The following KHDRBS2 variants were observed in gnomAD, a reference collection of about 807,000 sequenced individuals.
The protein encoded by KHDRBS2 is KH RNA binding domain containing, signal transduction associated 2, also known as KH domain-containing, RNA-binding, signal transduction-associated protein 2.
In KHDRBS2, 26 loss-of-function variants were observed where a neutral mutation model predicts 44.3. That is an observed-to-expected ratio of 0.59 (90% CI 0.43 to 0.81). The LOEUF (loss-of-function observed/expected upper bound fraction) is 0.81. KHDRBS2 is among the 40% of genes least tolerant of loss of function. KHDRBS2 has a pLI of 0.00. For synonymous variants in KHDRBS2, 194 were observed against 151.1 expected (o/e 1.28, Z -2.08); for missense variants, 476 against 433.1 (o/e 1.10, Z -0.88).
the KHDRBS2 span, among the ~76,000 whole-genome samples, chr6:61,600,600 C>G: frequency 6.6e-6 from 1 of 152,120 alleles, no homozygotes; most frequent in Non-Finnish European, 1.5e-5. Flanking sequence ...TCACACAAAG[C>G]CTGTTTGGTG....
At chr6:61,617,277 A>G in the KHDRBS2 span, among the ~76,000 whole-genome samples, 1 of 152,202 alleles carries the variant, frequency 6.6e-6, no homozygotes, top group Non-Finnish European at 1.5e-5. Context: ...ACTGATTCAT[A>G]AAAAATCCTT....
chr6:62,229,625 G>C (rs369495849), intron 1 of KHDRBS2, among the ~76,000 whole-genome samples: 1 of 152,154 alleles, frequency 6.6e-6, no homozygotes, highest in Non-Finnish European at 1.5e-5. Context: ...CCTGGGCCCC[G>C]GTGGCGTGGG....
At chr6:62,097,894 G>A (rs1800974665) in intron 2 of KHDRBS2, among the ~76,000 whole-genome samples, 1 of 151,832 alleles carries the variant, frequency 6.6e-6, no homozygotes, top group African/African-American at 2.4e-5. Flanking sequence ...TCTGTTATAG[G>A]TTTTTGCTTT....
intron 1 of KHDRBS2, among the ~76,000 whole-genome samples, chr6:62,178,040 G>C (rs558070524): frequency 6.6e-6 from 1 of 151,526 alleles, no homozygotes; most frequent in South Asian, 2.1e-4. Flanking sequence ...AAATGTCTCT[G>C]TTTTTATAGA....
At chr6:62,227,539 G>A (rs1034023829) in intron 1 of KHDRBS2, among the ~76,000 whole-genome samples, 1 of 152,066 alleles carries the variant, frequency 6.6e-6, no homozygotes, top group South Asian at 2.1e-4. Context: ...TAACTGCCCT[G>A]CCCAGAACTT....
intron 4 of KHDRBS2, among the ~76,000 whole-genome samples, chr6:61,957,804 C>G (rs1767744140): frequency 6.6e-6 from 1 of 152,110 alleles, no homozygotes; most frequent in Non-Finnish European, 1.5e-5. Flanking sequence ...GACCAACACC[C>G]TATTCATACA....
At chr6:61,894,959 G>C (rs78240146) in intron 5 of KHDRBS2, 126 bp from the exon 6 acceptor site, 35,794 of 521,860 alleles carry the variant, frequency 0.069, 527 homozygotes, top group Middle Eastern at 0.13. Flanking sequence ...CTCTCTCTCT[G>C]TGTGTGTGTG....
intron 1 of KHDRBS2, among the ~76,000 whole-genome samples, chr6:62,277,011 T>C (rs1325118218): frequency 4.6e-5 from 7 of 152,174 alleles, no homozygotes; most frequent in Admixed American, 1.3e-4. Flanking sequence ...CTTGTGGTAA[T>C]GCATCGTCTA....
intron 7 of KHDRBS2, among the ~76,000 whole-genome samples, chr6:61,714,270 A>G (rs1447376035): frequency 6.6e-6 from 1 of 151,916 alleles, no homozygotes; most frequent in African/African-American, 2.4e-5. Flanking sequence ...TTTTTTCAAA[A>G]GAAGACATAA....
intron 4 of KHDRBS2, among the ~76,000 whole-genome samples, chr6:61,937,136 T>G (rs2036466): frequency 0.39 from 59,597 of 151,592 alleles, 11,892 homozygotes; most frequent in East Asian, 0.47. Flanking sequence ...GGTCATCTTC[T>G]CAGGTCCATC....
chr6:62,071,890 A>G (rs991685585), intron 2 of KHDRBS2, among the ~76,000 whole-genome samples: 3 of 152,302 alleles, frequency 2.0e-5, no homozygotes, highest in African/African-American at 7.2e-5. Context: ...AGTCATTGGT[A>G]GCTTGATGGG....
intron 1 of KHDRBS2, among the ~76,000 whole-genome samples, chr6:62,200,961 C>T (rs1826849300): frequency 1.3e-5 from 2 of 152,134 alleles, no homozygotes; most frequent in African/African-American, 4.8e-5. Flanking sequence ...TGGAAACCAT[C>T]ATTCTCAGCA....
At chr6:61,907,558 C>T (rs1439582118) in intron 4 of KHDRBS2, among the ~76,000 whole-genome samples, 1 of 152,090 alleles carries the variant, frequency 6.6e-6, no homozygotes, top group Non-Finnish European at 1.5e-5. Flanking sequence ...TTTAAGTCTT[C>T]TATCTATTTT....
the KHDRBS2 span, among the ~76,000 whole-genome samples, chr6:61,585,856 A>T: frequency 6.6e-6 from 1 of 152,256 alleles, no homozygotes; most frequent in East Asian, 1.9e-4. Flanking sequence ...TTCACTGGGT[A>T]TCTAACTGAT....
chr6:61,661,803 G>A, the KHDRBS2 span, among the ~76,000 whole-genome samples: 8 of 151,848 alleles, frequency 5.3e-5, no homozygotes, highest in East Asian at 3.9e-4. Flanking sequence ...AATCAATATC[G>A]TGAAAATGGC....
At chr6:62,220,747 G>A (rs966404680) in intron 1 of KHDRBS2, among the ~76,000 whole-genome samples, 3 of 151,318 alleles carry the variant, frequency 2.0e-5, no homozygotes, top group Non-Finnish European at 4.4e-5. Flanking sequence ...TCAACAGAAG[G>A]GAATCCAAGA....
At chr6:61,956,900 G>C (rs1436266716) in intron 4 of KHDRBS2, among the ~76,000 whole-genome samples, 1 of 86,282 alleles carries the variant, frequency 1.2e-5, no homozygotes, top group Non-Finnish European at 2.2e-5. Flanking sequence ...CATAGTTATT[G>C]GTTTTCATCA....
At chr6:61,591,207 A>C in the KHDRBS2 span, among the ~76,000 whole-genome samples, 3 of 152,184 alleles carry the variant, frequency 2.0e-5, no homozygotes, top group African/African-American at 7.2e-5. Context: ...TTTTCCCATA[A>C]AATTATCATC....
chr6:62,241,468 A>T (rs1478710401), intron 1 of KHDRBS2, among the ~76,000 whole-genome samples: 5 of 152,194 alleles, frequency 3.3e-5, no homozygotes. Flanking sequence ...TTACTAAGAA[A>T]ACCAGCTGAG....
Sources: gnomAD v4.1 joint callset for allele counts (sites outside exome capture counted in the v4.1 genomes callset) on GRCh38, gnomAD v4.1.1 for gene constraint, MANE v1.5 for transcripts, NCBI Gene and HGNC (gene_info 2026-07-23, HGNC 2026-07-21) for gene names.